The following SMYD3 variants were observed in gnomAD, a reference collection of about 807,000 sequenced individuals.
SMYD3 encodes the protein SET and MYND domain containing 3.
SMYD3 carries 36 observed loss-of-function variants against 57.7 expected under a neutral mutation model. The observed-to-expected ratio is 0.62, with a 90% CI of 0.48 to 0.82. The LOEUF (loss-of-function observed/expected upper bound fraction) is 0.82. Among genes scored for constraint, SMYD3 ranks in the 40% least tolerant of loss-of-function variants. The pLI is 0.00. For synonymous variants in SMYD3, 211 were observed against 195.0 expected (o/e 1.08, Z -0.68); for missense variants, 515 against 538.8 (o/e 0.96, Z 0.44).
chr1:245,858,532 G>T lies in SMYD3; in HGVS notation c.1040C>A (p.Ala347Asp), dbSNP rs751559171. The T allele has an allele frequency of 6.2e-7, 1 of 1,614,044 alleles. No homozygotes were observed. Among genetic ancestry groups the T allele is most frequent in the Non-Finnish European group, 8.5e-7 (1 of 1,180,030 alleles). Residue 347 changes from alanine to aspartate, a missense_variant, in exon 10 of 12, where the codon GCC becomes GAC. By Grantham distance (126) the Ala-to-Asp change is moderately radical. Transcript: ENST00000490107. ...ACINLGLLEE[A>D]LFYGTRTMEP... Reference sequence around the variant, plus strand: ...CATGGTCCGAGTACCATAGAACAAGGCTTCCTCCAACAGGCCGAGGTTGAT... The same window carrying T: ...CATGGTCCGAGTACCATAGAACAAGTCTTCCTCCAACAGGCCGAGGTTGAT...
chr1:246,274,788 C>G (rs923853565), intron 5 of SMYD3, among the ~76,000 whole-genome samples: 1 of 152,126 alleles, frequency 6.6e-6, no homozygotes, highest in African/African-American at 2.4e-5. Flanking sequence ...CCTTGTTCCC[C>G]TCATCTCTGC....
chr1:246,279,432 A>G (rs1267993350), intron 5 of SMYD3, among the ~76,000 whole-genome samples: 1 of 152,116 alleles, frequency 6.6e-6, no homozygotes, highest in Non-Finnish European at 1.5e-5. Context: ...GAGGCAGGAG[A>G]ATCACTTGAA....
chr1:246,456,104 C>T (rs1030562749), intron 1 of SMYD3, among the ~76,000 whole-genome samples: 2 of 151,838 alleles, frequency 1.3e-5, no homozygotes, highest in African/African-American at 4.8e-5. Context: ...GTACCTACCA[C>T]AATGTTGGTA....
At chr1:245,875,670 C>G (rs556961502) in intron 8 of SMYD3, among the ~76,000 whole-genome samples, 17 of 152,248 alleles carry the variant, frequency 1.1e-4, no homozygotes, top group African/African-American at 4.1e-4. Context: ...CAAGGGAATG[C>G]TACGATGCCA....
In SMYD3 at chr1:246,434,156, C is replaced by T. The variant is rs1003214062; in HGVS notation, c.164+72898G>A. Reference sequence around the variant, plus strand: ...GATTTAAATATAAGACCACATTCTACAAGAATCCTAGAAGAAAACCATTCT... The same window carrying T: ...GATTTAAATATAAGACCACATTCTATAAGAATCCTAGAAGAAAACCATTCT... On this transcript the variant is annotated intron_variant, in intron 1 of 11. Transcript: ENST00000490107. 3.3e-5 allele frequency among the ~76,000 whole-genome samples: 5 copies of T among 152,156 alleles called. No homozygotes were observed. The South Asian group carries it at 8.3e-4, about 25-fold the overall frequency.
intron 5 of SMYD3, chr1:246,326,544 C>A (rs550826810): frequency 2.3e-5 from 11 of 473,898 alleles, no homozygotes; most frequent in African/African-American, 2.2e-4. Context: ...GAGGCCGAGG[C>A]GGGTGGATCA....
chr1:246,227,956 C>CTT (rs202246263), intron 5 of SMYD3, among the ~76,000 whole-genome samples: 2,685 of 115,398 alleles, frequency 0.023, 48 homozygotes, highest in African/African-American at 0.032. Flanking sequence ...ATTTTTATTC[C>CTT]TTTTTTTTTT....
At chr1:246,025,512 T>C (rs993841755) in intron 5 of SMYD3, among the ~76,000 whole-genome samples, 2 of 152,166 alleles carry the variant, frequency 1.3e-5, no homozygotes, top group African/African-American at 4.8e-5. Context: ...AATTCATTAA[T>C]TGAATCATGA....
chr1:245,776,401 AAAGAG>A (rs749657554), intron 10 of SMYD3, among the ~76,000 whole-genome samples: 4 of 152,250 alleles, frequency 2.6e-5, no homozygotes, highest in African/African-American at 4.8e-5. Flanking sequence ...TTTGGAAAGA[AAAGAG>A]GAGAGTCATA....
chr1:245,774,706 C>T lies in SMYD3; in HGVS notation c.1077-10557G>A, dbSNP rs1039065568. Among the ~76,000 whole-genome samples, 5 of 148,980 alleles carry T rather than the reference C, an allele frequency of 3.4e-5. 1 individual carries two copies. Among genetic ancestry groups the T allele is most frequent in the African/African-American group, 4.9e-5 (2 of 40,608 alleles). On this transcript the variant is annotated intron_variant, in intron 10 of 11. Coordinates refer to ENST00000490107, the MANE Select transcript of SMYD3 (RefSeq NM_001167740.2). ...CCCACGGTCTCCCTCTCCCTCTCCA[C>T]GGTCTCCCTCTCCCTCTCTTTCCAC...
At chr1:246,323,030 A>C (rs939489935) in intron 5 of SMYD3, among the ~76,000 whole-genome samples, 1 of 152,244 alleles carries the variant, frequency 6.6e-6, no homozygotes, top group Non-Finnish European at 1.5e-5. Flanking sequence ...ACTCCCCAAC[A>C]GCATTTCTAG....
At chr1:245,896,795 G>A (rs1382684394) in intron 8 of SMYD3, among the ~76,000 whole-genome samples, 1 of 152,114 alleles carries the variant, frequency 6.6e-6, no homozygotes, top group Non-Finnish European at 1.5e-5. Context: ...CAGCATCACC[G>A]GGGCGCAAGA....
rs535474080 is a variant in SMYD3, at chr1:245,890,395, T to C, written c.813+25135A>G. Among the ~76,000 whole-genome samples, 4 of 152,052 alleles carry C rather than the reference T, an allele frequency of 2.6e-5. No individual in the cohort carries two copies. The South Asian group carries it at 8.3e-4, about 32-fold the overall frequency. ...TCAAACAACTGAATAAGGAAAAAAA[T>C]CTAACAATCTAACAATCTGGGCAAA... On this transcript the variant is annotated intron_variant, in intron 8 of 11. Coordinates refer to ENST00000490107, the MANE Select transcript of SMYD3 (RefSeq NM_001167740.2).
chr1:246,226,611 G>A (rs2063334529), intron 5 of SMYD3, among the ~76,000 whole-genome samples: 1 of 152,178 alleles, frequency 6.6e-6, no homozygotes, highest in Non-Finnish European at 1.5e-5. Flanking sequence ...TACACATAAA[G>A]ATCACACACA....
intron 1 of SMYD3, among the ~76,000 whole-genome samples, chr1:246,398,807 A>G (rs2066717516): frequency 6.6e-6 from 1 of 152,138 alleles, no homozygotes; most frequent in Non-Finnish European, 1.5e-5. Flanking sequence ...ACAGAACCCA[A>G]AGAAACAGAA....
At chr1:246,229,356 A>G (rs2063375583) in intron 5 of SMYD3, among the ~76,000 whole-genome samples, 1 of 152,214 alleles carries the variant, frequency 6.6e-6, no homozygotes, top group South Asian at 2.1e-4. Flanking sequence ...AACCTATTGA[A>G]TAAGTTTGTG....
At chr1:246,194,276 T>A (rs12120766) in intron 5 of SMYD3, among the ~76,000 whole-genome samples, 1 of 150,578 alleles carries the variant, frequency 6.6e-6, no homozygotes, top group Non-Finnish European at 1.5e-5. Flanking sequence ...TTTTTTGTTT[T>A]TTTTTTTTTG....
At chr1:246,031,704 T>C (rs1184173778) in intron 5 of SMYD3, among the ~76,000 whole-genome samples, 2 of 146,070 alleles carry the variant, frequency 1.4e-5, no homozygotes, top group African/African-American at 5.2e-5. Flanking sequence ...GCCACTGCAC[T>C]CCAGCCTGGG....
At chr1:246,285,412 C>T (rs1332743835) in intron 5 of SMYD3, among the ~76,000 whole-genome samples, 3 of 152,084 alleles carry the variant, frequency 2.0e-5, no homozygotes, top group African/African-American at 7.2e-5. Flanking sequence ...GTGAACTCTG[C>T]TGGTACAAAC....
Sources: gnomAD v4.1 joint callset for allele counts (sites outside exome capture counted in the v4.1 genomes callset) on GRCh38, gnomAD v4.1.1 for gene constraint, MANE v1.5 for transcripts, NCBI Gene and HGNC (gene_info 2026-07-23, HGNC 2026-07-21) for gene names.